Variants in BNC2 observed in about 807,000 individuals in gnomAD.
BNC2 encodes zinc finger protein basonuclin-2.
In BNC2, 20 loss-of-function variants were observed where a neutral mutation model predicts 76.3. The observed-to-expected ratio is 0.26, with a 90% CI of 0.18 to 0.38. BNC2 has a LOEUF of 0.38. Ranked by LOEUF, BNC2 falls within the 10% of genes least tolerant of loss-of-function variation. The pLI is 1.00. For missense variants in BNC2, 1,382 were observed against 1,399.8 expected (o/e 0.99, Z 0.20); for synonymous variants, 582 against 514.8 (o/e 1.13, Z -1.77).
chr9:16,638,366 A>G (rs929670019), intron 3 of BNC2, among the ~76,000 whole-genome samples: 75 of 152,212 alleles, frequency 4.9e-4, no homozygotes, highest in Non-Finnish European at 1.2e-4. Context: ...TTGAAGAATC[A>G]AGGCAGATCA....
At chr9:16,686,777 G>A (rs1471417629) in intron 3 of BNC2, among the ~76,000 whole-genome samples, 2 of 152,156 alleles carry the variant, frequency 1.3e-5, no homozygotes, top group African/African-American at 4.8e-5. Flanking sequence ...CACTTTGCAA[G>A]TTCACTAGTG....
At chr9:16,638,691 GA>G (rs928347903) in intron 3 of BNC2, among the ~76,000 whole-genome samples, 3 of 149,798 alleles carry the variant, frequency 2.0e-5, no homozygotes, top group Non-Finnish European at 4.5e-5. Flanking sequence ...ACCTTTAAAA[GA>G]AAAAAAAACC....
chr9:16,708,488 A>C (rs1296464908), intron 3 of BNC2, among the ~76,000 whole-genome samples: 4 of 152,186 alleles, frequency 2.6e-5, no homozygotes, highest in Admixed American at 1.3e-4. Flanking sequence ...ACATGCAAGC[A>C]AAGGCAGTTA....
chr9:16,791,862 G>A lies in BNC2; in HGVS notation c.4-53377C>T, dbSNP rs183216295. 2.2e-3 allele frequency among the ~76,000 whole-genome samples: 333 copies of A among 152,236 alleles called. 2 individuals are homozygous for A. Among genetic ancestry groups the A allele is most frequent in the African/African-American group, 7.6e-3 (317 of 41,542 alleles). Reference sequence around the variant, plus strand: ...TCACACCTGTAACCCCATCACTTTGGGAAGCCAAGGCAGGTGGATCACTTA... The same window carrying A: ...TCACACCTGTAACCCCATCACTTTGAGAAGCCAAGGCAGGTGGATCACTTA... On this transcript the variant is annotated intron_variant, in intron 1 of 6. Transcript: ENST00000380672.
intron 5 of BNC2, among the ~76,000 whole-genome samples, chr9:16,540,132 G>C (rs866830292): frequency 1.3e-4 from 19 of 145,988 alleles, no homozygotes; most frequent in African/African-American, 4.8e-4. Flanking sequence ...TCTGACCCCC[G>C]CAACCATGCA....
intron 5 of BNC2, among the ~76,000 whole-genome samples, chr9:16,439,754 C>T (rs1821088622): frequency 6.6e-6 from 1 of 152,112 alleles, no homozygotes; most frequent in African/African-American, 2.4e-5. Flanking sequence ...TATGTGCCCC[C>T]CTTTGTAAGG....
chr9:16,620,178 A>G (rs1460558754), intron 3 of BNC2, among the ~76,000 whole-genome samples: 1 of 152,212 alleles, frequency 6.6e-6, no homozygotes, highest in African/African-American at 2.4e-5. Flanking sequence ...CTACATTTGT[A>G]GACAGAGCCA....
At position 16,734,049 on chromosome 9, in the gene BNC2, A is replaced by G. The variant is rs148285945; in HGVS notation, c.129+4311T>C. On this transcript the variant is annotated intron_variant, in intron 2 of 6. Coordinates refer to ENST00000380672, the MANE Select transcript of BNC2 (RefSeq NM_017637.6). ...CTGATATTCCTGAAAAATTTTGGAG[A>G]ATACTAGTTGGATCCCTGTATTTAA... Among the ~76,000 whole-genome samples the G allele has an allele frequency of 9.9e-5, 15 of 152,274 alleles. 1 individual carries two copies. The East Asian group carries it at 2.9e-3, about 29-fold the overall frequency.
chr9:16,839,782 T>C (rs1330988528), intron 1 of BNC2, among the ~76,000 whole-genome samples: 2 of 152,186 alleles, frequency 1.3e-5, no homozygotes, highest in East Asian at 3.8e-4. Context: ...AAACGTAATT[T>C]CCAATATATA....
rs1031568809 is a variant in BNC2, at chr9:16,524,617, T to C, written c.669+27913A>G. Among the ~76,000 whole-genome samples the C allele has an allele frequency of 8.5e-5, 13 of 152,310 alleles. 1 individual carries two copies. The South Asian group carries it at 2.7e-3, about 32-fold the overall frequency. ...GATGTTCCTATGTATAATAATCTAC[T>C]GAACATGTTTAACATACTCTGTGTA... On this transcript the variant is annotated intron_variant, in intron 5 of 6. Coordinates refer to ENST00000380672, the MANE Select transcript of BNC2 (RefSeq NM_017637.6).
intron 5 of BNC2, among the ~76,000 whole-genome samples, chr9:16,471,495 T>C (rs1320155205): frequency 1.3e-5 from 2 of 152,138 alleles, no homozygotes; most frequent in African/African-American, 4.8e-5. Context: ...GGTTTCACTA[T>C]GTTGGCCAGG....
At chr9:16,658,314 G>T (rs557985730) in intron 3 of BNC2, among the ~76,000 whole-genome samples, 33 of 152,170 alleles carry the variant, frequency 2.2e-4, no homozygotes, top group South Asian at 4.2e-4. Flanking sequence ...GGAGTCAGGG[G>T]GAGTACTGTA....
At chr9:16,642,230 T>C (rs1175993152) in intron 3 of BNC2, among the ~76,000 whole-genome samples, 2 of 152,150 alleles carry the variant, frequency 1.3e-5, no homozygotes, top group East Asian at 1.9e-4. Context: ...CACATAAGGA[T>C]TTTTTTAAGG....
At chr9:16,860,377 A>G (rs1427293483) in intron 1 of BNC2, among the ~76,000 whole-genome samples, 1 of 152,086 alleles carries the variant, frequency 6.6e-6, no homozygotes, top group Non-Finnish European at 1.5e-5. Flanking sequence ...CCAGAAATAA[A>G]CCCTTATATA....
intron 1 of BNC2, among the ~76,000 whole-genome samples, chr9:16,823,818 T>A (rs1038416999): frequency 6.6e-6 from 1 of 152,104 alleles, no homozygotes; most frequent in Admixed American, 6.5e-5. Context: ...CTCTGCCCAA[T>A]AAAAACATTC....
At chr9:16,597,278 T>A (rs1357764752) in intron 3 of BNC2, among the ~76,000 whole-genome samples, 1 of 152,182 alleles carries the variant, frequency 6.6e-6, no homozygotes, top group African/African-American at 2.4e-5. Context: ...TTTTCTTTTA[T>A]ACATAGCTTT....
intron 2 of BNC2, among the ~76,000 whole-genome samples, chr9:16,738,085 G>T (rs1462980030): frequency 6.6e-6 from 1 of 152,144 alleles, no homozygotes; most frequent in African/African-American, 2.4e-5. Context: ...AAGGAAAAGA[G>T]AAGTAAGTGC....
At chr9:16,554,059 G>C (rs1818746886) in intron 4 of BNC2, among the ~76,000 whole-genome samples, 1 of 152,090 alleles carries the variant, frequency 6.6e-6, no homozygotes, top group African/African-American at 2.4e-5. Context: ...CAACATCTAG[G>C]CTCAAGTCAT....
chr9:16,801,260 ATTTT>A (rs1817771391), intron 1 of BNC2, among the ~76,000 whole-genome samples: 1 of 152,004 alleles, frequency 6.6e-6, no homozygotes, highest in Non-Finnish European at 1.5e-5. Flanking sequence ...ATTTTTATTT[ATTTT>A]GAGACAGAGT....
Sources: gnomAD v4.1 joint callset for allele counts (sites outside exome capture counted in the v4.1 genomes callset) on GRCh38, gnomAD v4.1.1 for gene constraint, MANE v1.5 for transcripts, NCBI Gene and HGNC (gene_info 2026-07-23, HGNC 2026-07-21) for gene names.